ARHGAP24: variants seen among roughly 807,000 people sequenced by gnomAD.
ARHGAP24 encodes Rho GTPase activating protein 24.
In ARHGAP24, 50 loss-of-function variants were observed where a neutral mutation model predicts 76.4. The observed-to-expected ratio is 0.65, with a 90% CI of 0.52 to 0.83. The LOEUF (loss-of-function observed/expected upper bound fraction) is 0.83, where lower values mean the gene tolerates loss of function less well. ARHGAP24 is among the 40% of genes least tolerant of loss of function. The pLI is 0.00. For synonymous variants in ARHGAP24, 345 were observed against 323.3 expected (o/e 1.07, Z -0.72); for missense variants, 930 against 914.2 (o/e 1.02, Z -0.22).
chr4:85,688,238 A>G (rs1216947116), intron 2 of ARHGAP24, among the ~76,000 whole-genome samples: 1 of 152,106 alleles, frequency 6.6e-6, no homozygotes, highest in Non-Finnish European at 1.5e-5. Flanking sequence ...AGCATCTGTT[A>G]TTTTTTGACT....
intron 1 of ARHGAP24, among the ~76,000 whole-genome samples, chr4:85,538,639 A>C (rs1725565746): frequency 6.6e-6 from 1 of 152,008 alleles, no homozygotes; most frequent in African/African-American, 2.4e-5. Flanking sequence ...AATATTTTGA[A>C]CTCTCTTACC....
intron 2 of ARHGAP24, among the ~76,000 whole-genome samples, chr4:85,582,991 G>A (rs1213364634): frequency 2.0e-5 from 3 of 152,146 alleles, no homozygotes; most frequent in Non-Finnish European, 4.4e-5. Context: ...GGAGTTGTGC[G>A]GTGCTTCCCT....
chr4:85,744,939 C>T (rs1725970513), intron 3 of ARHGAP24, among the ~76,000 whole-genome samples: 1 of 152,308 alleles, frequency 6.6e-6, no homozygotes, highest in South Asian at 2.1e-4. Context: ...CCAGCCTCCA[C>T]TAAACAGCTA....
At chr4:85,511,640 T>C (rs959208402) in intron 1 of ARHGAP24, among the ~76,000 whole-genome samples, 17 of 152,124 alleles carry the variant, frequency 1.1e-4, no homozygotes, top group Middle Eastern at 3.4e-3. Context: ...TTTTTTTGTA[T>C]TTTTAGTAGA....
chr4:85,570,989 A>T, intron 2 of ARHGAP24: 1 of 332,326 alleles, frequency 3.0e-6, no homozygotes, highest in East Asian at 5.8e-5. Flanking sequence ...TGGCAAACTT[A>T]GTTCATGAGA....
At chr4:85,852,120 C>T (rs1181847836) in intron 3 of ARHGAP24, among the ~76,000 whole-genome samples, 1 of 152,182 alleles carries the variant, frequency 6.6e-6, no homozygotes, top group Non-Finnish European at 1.5e-5. Flanking sequence ...TCACATAGTT[C>T]CATACTTCTT....
intron 3 of ARHGAP24, among the ~76,000 whole-genome samples, chr4:85,754,566 T>TACATACGACAGACAAC (rs1726400667): frequency 6.6e-6 from 1 of 152,190 alleles, no homozygotes; most frequent in African/African-American, 2.4e-5. Flanking sequence ...GAGATAAAGA[T>TACATACGACAGACAAC]ACATACGACA....
At chr4:85,516,723 G>A (rs115501496) in intron 1 of ARHGAP24, among the ~76,000 whole-genome samples, 1,692 of 149,952 alleles carry the variant, frequency 0.011, 33 homozygotes, top group African/African-American at 0.04. Context: ...TGTTGCAGAT[G>A]TTTTCTTCAT....
chr4:85,890,214 C>T (rs1031369801), intron 3 of ARHGAP24, among the ~76,000 whole-genome samples: 18 of 152,110 alleles, frequency 1.2e-4, no homozygotes, highest in African/African-American at 2.7e-4. Flanking sequence ...GAATAAAGAT[C>T]GTTAACTATT....
chr4:85,733,328 G>T (rs753225032), intron 3 of ARHGAP24, among the ~76,000 whole-genome samples: 17 of 151,752 alleles, frequency 1.1e-4, no homozygotes, highest in Non-Finnish European at 2.5e-4. Context: ...CTCCCAAAGT[G>T]CTGGGATTAC....
chr4:85,488,059 A>G (rs945510523), intron 1 of ARHGAP24, among the ~76,000 whole-genome samples: 2 of 150,532 alleles, frequency 1.3e-5, no homozygotes, highest in African/African-American at 2.5e-5. Context: ...GGCGCCGGCC[A>G]CCACGCCCGG....
chr4:85,769,706 G>A (rs547719288), intron 3 of ARHGAP24, among the ~76,000 whole-genome samples: 1 of 151,156 alleles, frequency 6.6e-6, no homozygotes, highest in South Asian at 2.1e-4. Context: ...TCCTGCCTCA[G>A]CATCCCAAGT....
chr4:85,848,965 T>G (rs1731057683), intron 3 of ARHGAP24, among the ~76,000 whole-genome samples: 1 of 151,936 alleles, frequency 6.6e-6, no homozygotes. Flanking sequence ...TTAAAGTAGT[T>G]TTTTCCAATT....
chr4:85,704,832 T>C (rs948130667), intron 2 of ARHGAP24, among the ~76,000 whole-genome samples: 3 of 152,138 alleles, frequency 2.0e-5, no homozygotes, highest in African/African-American at 7.2e-5. Context: ...TTAAAGATTT[T>C]TGAATGTATA....
At chr4:85,561,865 G>A (rs745967989) in intron 1 of ARHGAP24, among the ~76,000 whole-genome samples, 5 of 152,080 alleles carry the variant, frequency 3.3e-5, no homozygotes, top group Admixed American at 6.6e-5. Context: ...AAGGAAAACC[G>A]AATACAAAAG....
chr4:85,743,474 A>C (rs147236914), intron 3 of ARHGAP24, among the ~76,000 whole-genome samples: 448 of 146,640 alleles, frequency 3.1e-3, no homozygotes, highest in African/African-American at 0.011. Flanking sequence ...AGGGTGAGGC[A>C]GGAGGATCAC....
chr4:85,671,882 A>T (rs1393839360), intron 2 of ARHGAP24, among the ~76,000 whole-genome samples: 1 of 152,156 alleles, frequency 6.6e-6, no homozygotes, highest in East Asian at 1.9e-4. Flanking sequence ...ACACTGAGAA[A>T]CCTCAAAGAC....
intron 2 of ARHGAP24, among the ~76,000 whole-genome samples, chr4:85,662,461 G>A (rs1467017170): frequency 6.6e-6 from 1 of 150,948 alleles, no homozygotes; most frequent in Non-Finnish European, 1.5e-5. Flanking sequence ...CTCCCATTTT[G>A]TAGGTTGCCT....
chr4:85,625,205 A>G (rs1287428940), intron 2 of ARHGAP24, among the ~76,000 whole-genome samples: 1 of 152,052 alleles, frequency 6.6e-6, no homozygotes, highest in Non-Finnish European at 1.5e-5. Context: ...TCTTGTGGGC[A>G]TTTAGTGCTA....
Sources: allele counts gnomAD v4.1 joint callset (sites outside exome capture counted in the v4.1 genomes callset), GRCh38; gene constraint gnomAD v4.1.1; transcripts MANE v1.5; gene names NCBI Gene and HGNC (gene_info 2026-07-23, HGNC 2026-07-21).